SPOPL: variants seen among roughly 807,000 people sequenced by gnomAD.
SPOPL encodes speckle type BTB/POZ protein like, also known as speckle-type POZ protein-like.
Under a neutral mutation model 53.8 loss-of-function variants are expected in SPOPL, and 23 were observed. That is an observed-to-expected ratio of 0.43 (90% CI 0.31 to 0.61). SPOPL has a LOEUF of 0.61. SPOPL is among the 20% of genes least tolerant of loss of function. SPOPL has a pLI of 0.12. For synonymous variants in SPOPL, 164 were observed against 149.7 expected (o/e 1.10, Z -0.70); for missense variants, 442 against 466.9 (o/e 0.95, Z 0.49).
chr2:138,537,948 T>C (rs1684973044), intron 1 of SPOPL, among the ~76,000 whole-genome samples: 1 of 152,210 alleles, frequency 6.6e-6, no homozygotes, highest in African/African-American at 2.4e-5. Context: ...CAGTCTCTGC[T>C]GGTTATGGGG....
intron 1 of SPOPL, among the ~76,000 whole-genome samples, chr2:138,544,116 G>A (rs1036251344): frequency 6.6e-6 from 1 of 152,118 alleles, no homozygotes; most frequent in Non-Finnish European, 1.5e-5. Flanking sequence ...AGGAGTACCC[G>A]GCCTTGTGAG....
intron 10 of SPOPL, 40 bp downstream of exon 10, chr2:138,565,033 T>C: frequency 6.2e-7 from 1 of 1,605,308 alleles, no homozygotes; most frequent in Non-Finnish European, 8.5e-7. Context: ...TTGCTCTACA[T>C]AAGTGAGATT....
chr2:138,532,215 G>A (rs960046816), intron 1 of SPOPL, among the ~76,000 whole-genome samples: 27 of 152,062 alleles, frequency 1.8e-4, no homozygotes, highest in Non-Finnish European at 3.2e-4. Context: ...ACCTCACCAG[G>A]ATCTTAGCCC....
intron 1 of SPOPL, among the ~76,000 whole-genome samples, chr2:138,509,581 G>A (rs1194569168): frequency 6.7e-6 from 1 of 150,318 alleles, no homozygotes; most frequent in East Asian, 2.2e-4. Flanking sequence ...CCCCCAGTTA[G>A]GTGATTTTTT....
chr2:138,550,424 T>C (rs1343915713), intron 2 of SPOPL, 59 bp from the exon 3 acceptor site: 4 of 1,591,374 alleles, frequency 2.5e-6, no homozygotes, highest in East Asian at 4.5e-5. Flanking sequence ...ATGTTGAACA[T>C]GTAACAAGTT....
At chr2:138,538,329 G>C (rs1446308315) in intron 1 of SPOPL, among the ~76,000 whole-genome samples, 3 of 152,070 alleles carry the variant, frequency 2.0e-5, no homozygotes, top group Admixed American at 2.0e-4. Context: ...TTGTAGAATT[G>C]TCTATTCTCT....
At chr2:138,544,709 C>T (rs961011294) in intron 1 of SPOPL, among the ~76,000 whole-genome samples, 2 of 152,220 alleles carry the variant, frequency 1.3e-5, no homozygotes, top group Admixed American at 6.5e-5. Flanking sequence ...CGCTCTGCTT[C>T]GGCTCATGCT....
rs141568343 is a variant in SPOPL at position 138,547,124 on chromosome 2, C to T, written c.-60-3033C>T. On this transcript the variant is annotated intron_variant, in intron 1 of 10. Transcript: ENST00000280098. ...GGCATTATAGGCGCCCGCCCCCATGCCTGGCTTATTTTTGTATTTTTAGTA... is the reference window on the plus strand; with the variant it reads ...GGCATTATAGGCGCCCGCCCCCATGTCTGGCTTATTTTTGTATTTTTAGTA... Among the ~76,000 whole-genome samples, 82 of 152,184 alleles carry T rather than the reference C, an allele frequency of 5.4e-4. 2 individuals are homozygous for T. Among genetic ancestry groups the T allele is most frequent in the African/African-American group, 1.9e-3 (77 of 41,514 alleles).
intron 4 of SPOPL, among the ~76,000 whole-genome samples, chr2:138,551,390 G>C (rs985696455): frequency 3.2e-4 from 48 of 151,856 alleles, no homozygotes; most frequent in Admixed American, 1.5e-3. Context: ...TTTCTCTCTT[G>C]CCTTTTTTTG....
At position 138,571,388 on chromosome 2, in the gene SPOPL, A is replaced by C. The variant is rs566518071; in HGVS notation, c.*2308A>C. On this transcript the variant is annotated 3_prime_UTR_variant, in exon 11 of 11. Coordinates refer to ENST00000280098, the MANE Select transcript of SPOPL (RefSeq NM_001001664.3). Reference sequence around the variant, plus strand: ...TATTGCAAATCTTAAGGATTTTATTATAAAGATTTTTTTTTTAGTTTGGTA... The same window carrying C: ...TATTGCAAATCTTAAGGATTTTATTCTAAAGATTTTTTTTTTAGTTTGGTA... 6.6e-6 allele frequency: 1 copy of C among 152,628 alleles called. No homozygotes were observed. The allele number at this position is 152,628 out of a possible 1,614,324, so 9.5% of individuals were successfully genotyped here. A position where few individuals can be genotyped will look rare whatever the true frequency, so the allele number is the denominator to read the frequency against.
chr2:138,567,434 T>TGTGTGTGTGTGTGTGTGTG (rs1558883529), intron 10 of SPOPL, among the ~76,000 whole-genome samples: 4 of 94,098 alleles, frequency 4.3e-5, no homozygotes, highest in South Asian at 3.4e-4. Flanking sequence ...TGTGTGTGTG[T>TGTGTGTGTGTGTGTGTGTG]TGCGGGCGGG....
chr2:138,526,886 C>T (rs756420650), intron 1 of SPOPL, among the ~76,000 whole-genome samples: 12 of 152,040 alleles, frequency 7.9e-5, no homozygotes, highest in African/African-American at 1.9e-4. Flanking sequence ...CCACCACACC[C>T]GGCTAATTTT....
intron 10 of SPOPL, among the ~76,000 whole-genome samples, chr2:138,565,936 G>A (rs528840708): frequency 5.3e-5 from 8 of 152,022 alleles, no homozygotes; most frequent in African/African-American, 9.6e-5. Context: ...GGTTTTCACC[G>A]TGGTAGCCAG....
At chr2:138,508,568 T>C (rs1238174234) in intron 1 of SPOPL, among the ~76,000 whole-genome samples, 2 of 152,084 alleles carry the variant, frequency 1.3e-5, no homozygotes, top group East Asian at 3.9e-4. Flanking sequence ...TGACCTCAAG[T>C]AATCCTCCCA....
chr2:138,561,058 A>G, intron 8 of SPOPL, 131 bp downstream of exon 8: 1 of 1,090,770 alleles, frequency 9.2e-7, no homozygotes, highest in Admixed American at 3.2e-5. Flanking sequence ...GAAATAGCAT[A>G]CAGTGGGGTA....
chr2:138,542,479 C>T (rs1685093814), intron 1 of SPOPL, among the ~76,000 whole-genome samples: 1 of 152,136 alleles, frequency 6.6e-6, no homozygotes, highest in African/African-American at 2.4e-5. Flanking sequence ...GGTCCCTTTA[C>T]CATTATGTAA....
At chr2:138,565,883 G>A (rs536350551) in intron 10 of SPOPL, among the ~76,000 whole-genome samples, 11 of 151,700 alleles carry the variant, frequency 7.3e-5, no homozygotes, top group Admixed American at 1.3e-4. Flanking sequence ...ACAGGCGCCC[G>A]CCACCACACC....
At chr2:138,554,757 C>CA in intron 5 of SPOPL, among the ~76,000 whole-genome samples, 1 of 152,286 alleles carries the variant, frequency 6.6e-6, no homozygotes. Context: ...TTTAAATACT[C>CA]AGTCTACAGA....
In SPOPL at chr2:138,564,205, A is replaced by G. The variant is rs144189079; in HGVS notation, c.838-503A>G. ...GGTTTTATGGCTGTATAAACTTAGC[A>G]GAAGGTGAACCTTATGTGTACTTTA... On this transcript the variant is annotated intron_variant, in intron 8 of 10. Coordinates refer to ENST00000280098, the MANE Select transcript of SPOPL (RefSeq NM_001001664.3). 4.1e-3 allele frequency among the ~76,000 whole-genome samples: 620 copies of G among 152,330 alleles called. 2 individuals carry two copies. Among genetic ancestry groups the G allele is most frequent in the African/African-American group, 0.014 (576 of 41,576 alleles).
Sources: allele counts gnomAD v4.1 joint callset (sites outside exome capture counted in the v4.1 genomes callset), GRCh38; gene constraint gnomAD v4.1.1; transcripts MANE v1.5; gene names NCBI Gene and HGNC (gene_info 2026-07-23, HGNC 2026-07-21).